LRBA: variants seen among roughly 807,000 people sequenced by gnomAD.
LRBA encodes lipopolysaccharide-responsive and beige-like anchor protein.
In LRBA, 176 loss-of-function variants were observed where a neutral mutation model predicts 330.0. The ratio of observed to expected loss-of-function variants is 0.53; its 90% CI spans 0.47 to 0.60. LRBA has a LOEUF of 0.60. Among genes scored for constraint, LRBA ranks in the 20% least tolerant of loss-of-function variants. LRBA has a pLI of 0.00. For synonymous variants in LRBA, 1,230 were observed against 1,193.0 expected, an observed-to-expected ratio of 1.03 and a Z score of -0.64; for missense variants, 3,259 against 3,444.8, an observed-to-expected ratio of 0.95 and a Z score of 1.35.
intron 36 of LRBA, among the ~76,000 whole-genome samples, chr4:150,690,298 T>C (rs1784005345): frequency 6.6e-6 from 1 of 151,856 alleles, no homozygotes; most frequent in Non-Finnish European, 1.5e-5. Flanking sequence ...GGTCAGGAGA[T>C]CGAGACCACC....
At chr4:150,684,515 T>C (rs1273756746) in intron 36 of LRBA, among the ~76,000 whole-genome samples, 1 of 152,190 alleles carries the variant, frequency 6.6e-6, no homozygotes, top group Non-Finnish European at 1.5e-5. Flanking sequence ...AAAAGTACTG[T>C]CTTAGATATC....
intron 37 of LRBA, among the ~76,000 whole-genome samples, chr4:150,671,087 G>A (rs1782028245): frequency 6.6e-6 from 1 of 150,982 alleles, no homozygotes; most frequent in African/African-American, 2.4e-5. Flanking sequence ...TAGGTTCTAA[G>A]AGTCCAAAGC....
At chr4:150,440,904 A>G (rs1751740547) in intron 44 of LRBA, among the ~76,000 whole-genome samples, 1 of 152,178 alleles carries the variant, frequency 6.6e-6, no homozygotes, top group South Asian at 2.1e-4. Context: ...AGCAAAGCTG[A>G]CATCTGTGGT....
At chr4:150,986,072 C>G (rs1009464539) in intron 2 of LRBA, among the ~76,000 whole-genome samples, 4 of 152,040 alleles carry the variant, frequency 2.6e-5, no homozygotes, top group African/African-American at 9.7e-5. Flanking sequence ...TTTACAGTCA[C>G]ACAGGCAAAT....
intron 37 of LRBA, among the ~76,000 whole-genome samples, chr4:150,619,005 T>C (rs1177822599): frequency 2.0e-5 from 3 of 152,014 alleles, no homozygotes; most frequent in African/African-American, 7.2e-5. Context: ...CATTTTAATT[T>C]GCTGGAGAAA....
At chr4:150,330,782 A>G (rs1733893958) in intron 48 of LRBA, among the ~76,000 whole-genome samples, 1 of 144,810 alleles carries the variant, frequency 6.9e-6, no homozygotes, top group Non-Finnish European at 1.6e-5. Context: ...AATACCATAT[A>G]TGTGCAACAG....
At chr4:150,706,493 A>G (rs1785633582) in intron 36 of LRBA, among the ~76,000 whole-genome samples, 1 of 151,656 alleles carries the variant, frequency 6.6e-6, no homozygotes, top group African/African-American at 2.4e-5. Flanking sequence ...AACTATAGAA[A>G]TATTAGAAGA....
At chr4:150,392,467 C>A (rs1391088484) in intron 47 of LRBA, among the ~76,000 whole-genome samples, 2 of 152,158 alleles carry the variant, frequency 1.3e-5, no homozygotes, top group Non-Finnish European at 1.5e-5. Context: ...AATACCCTCA[C>A]AATGTCATCT....
chr4:150,989,570 G>A (rs879657122), intron 2 of LRBA, among the ~76,000 whole-genome samples: 3 of 151,974 alleles, frequency 2.0e-5, no homozygotes, highest in Admixed American at 6.6e-5. Flanking sequence ...CCGAGATCAC[G>A]CCACTGCACT....
At chr4:150,608,354 G>GA (rs1407192665) in intron 37 of LRBA, among the ~76,000 whole-genome samples, 3 of 152,154 alleles carry the variant, frequency 2.0e-5, no homozygotes, top group Non-Finnish European at 4.4e-5. Flanking sequence ...AAGGGCAGGA[G>GA]AAAGATGGGG....
chr4:150,334,602 C>G (rs1561028606), intron 48 of LRBA, among the ~76,000 whole-genome samples: 1 of 151,796 alleles, frequency 6.6e-6, no homozygotes, highest in Non-Finnish European at 1.5e-5. Flanking sequence ...ATATTCCAAA[C>G]TATTATTTGC....
intron 40 of LRBA, among the ~76,000 whole-genome samples, chr4:150,564,911 G>T (rs979729002): frequency 1.3e-5 from 2 of 152,160 alleles, no homozygotes; most frequent in African/African-American, 4.8e-5. Context: ...GAGAAAAAAA[G>T]AATGCTTTTA....
At chr4:150,360,640 A>G (rs1003029522) in intron 47 of LRBA, among the ~76,000 whole-genome samples, 1 of 152,222 alleles carries the variant, frequency 6.6e-6, no homozygotes, top group African/African-American at 2.4e-5. Context: ...AATACACCTT[A>G]TCTTACTGAA....
chr4:150,596,509 GAA>G (rs1773501332), intron 38 of LRBA, among the ~76,000 whole-genome samples: 1 of 151,738 alleles, frequency 6.6e-6, no homozygotes, highest in African/African-American at 2.4e-5. Context: ...ATAAAAGTGA[GAA>G]GTCATAAAAA....
intron 40 of LRBA, among the ~76,000 whole-genome samples, chr4:150,511,162 C>T (rs894805577): frequency 2.2e-4 from 33 of 151,976 alleles, no homozygotes; most frequent in African/African-American, 8.0e-4. Context: ...CTGGCCTAAC[C>T]TCTCAAATTC....
At chr4:150,286,195 T>C (rs1453700475) in intron 53 of LRBA, among the ~76,000 whole-genome samples, 161 bp from the exon 54 acceptor site, 1 of 152,200 alleles carries the variant, frequency 6.6e-6, no homozygotes, top group African/African-American at 2.4e-5. Context: ...CATACTATAG[T>C]TTGATTATGA....
intron 37 of LRBA, among the ~76,000 whole-genome samples, chr4:150,666,521 GA>G (rs752177005): frequency 1.4e-5 from 2 of 148,016 alleles, no homozygotes; most frequent in African/African-American, 5.0e-5. Context: ...CTCCAAAAAA[GA>G]AAAAAAAATG....
intron 46 of LRBA, among the ~76,000 whole-genome samples, chr4:150,431,478 CA>C (rs1750367428): frequency 6.6e-6 from 1 of 152,072 alleles, no homozygotes; most frequent in Admixed American, 6.6e-5. Flanking sequence ...CTATTGAACA[CA>C]AAATGTGTGG....
intron 2 of LRBA, among the ~76,000 whole-genome samples, chr4:151,008,191 C>T (rs1449490612): frequency 6.6e-6 from 1 of 151,834 alleles, no homozygotes; most frequent in Non-Finnish European, 1.5e-5. Flanking sequence ...AGCAATTCTC[C>T]TGCCTCAGCC....
Sources: gnomAD v4.1 joint callset for allele counts (sites outside exome capture counted in the v4.1 genomes callset) on GRCh38, gnomAD v4.1.1 for gene constraint, MANE v1.5 for transcripts, NCBI Gene and HGNC (gene_info 2026-07-23, HGNC 2026-07-21) for gene names.